The following UPRT variants were observed in gnomAD, a reference collection of about 807,000 sequenced individuals.
UPRT encodes RP11-311P8.3.
In UPRT, 5 loss-of-function variants were observed where a neutral mutation model predicts 22.6. The observed-to-expected ratio is 0.22, with a 90% confidence interval of 0.12 to 0.47. The LOEUF is 0.47. Ranked by LOEUF, UPRT falls within the 20% of genes least tolerant of loss-of-function variation. The pLI is 0.99. For missense variants in UPRT, 181 were observed against 239.9 expected (o/e 0.75, Z 1.62); for synonymous variants, 77 against 87.7 (o/e 0.88, Z 0.68).
chrX:75,244,588 G>A (rs2082498274), intron 4 of UPRT, among the ~76,000 whole-genome samples: 1 of 111,097 alleles, frequency 9.0e-6, no homozygotes, highest in Non-Finnish European at 1.9e-5. Context: ...TATACCAATG[G>A]AACAGAATAG....
At chrX:75,257,645 T>G (rs956575881) in intron 4 of UPRT, among the ~76,000 whole-genome samples, 3 of 111,811 alleles carry the variant, frequency 2.7e-5, no homozygotes, top group Non-Finnish European at 5.6e-5. Context: ...CTCCTAGAAC[T>G]GATAAAAGAA....
intron 4 of UPRT, among the ~76,000 whole-genome samples, chrX:75,207,233 C>T (rs2082369574): frequency 8.9e-6 from 1 of 112,083 alleles, no homozygotes. Flanking sequence ...TGTTAACACT[C>T]CCTTTAGTAG....
At chrX:75,255,697 G>A (rs1000833714) in intron 4 of UPRT, among the ~76,000 whole-genome samples, 3 of 111,734 alleles carry the variant, frequency 2.7e-5, no homozygotes, top group African/African-American at 9.8e-5. Context: ...CACCAAAAGC[G>A]AGCTGAAGTA....
intron 1 of UPRT, among the ~76,000 whole-genome samples, chrX:75,276,210 C>A (rs2082631044): frequency 8.9e-6 from 1 of 111,936 alleles, no homozygotes; most frequent in African/African-American, 3.2e-5. Flanking sequence ...CCTGGCTTAT[C>A]TTCCCTGGTC....
intron 4 of UPRT, among the ~76,000 whole-genome samples, chrX:75,227,521 A>AG (rs954766247): frequency 8.9e-6 from 1 of 111,747 alleles, no homozygotes; most frequent in Non-Finnish European, 1.9e-5. Flanking sequence ...AGGCCCAGAG[A>AG]GGGGAAAAAC....
intron 1 of UPRT, among the ~76,000 whole-genome samples, chrX:75,285,746 G>A (rs183106930): frequency 2.6e-4 from 29 of 110,986 alleles, no homozygotes; most frequent in South Asian, 3.8e-4. Context: ...GCTTTGAGGT[G>A]CAGGTAAATA....
intron 4 of UPRT, among the ~76,000 whole-genome samples, chrX:75,263,960 T>G (rs2082577738): frequency 1.8e-5 from 2 of 110,628 alleles, no homozygotes; most frequent in Non-Finnish European, 1.9e-5. Flanking sequence ...TATTTCTGCC[T>G]TCATTTCGTT....
chrX:75,205,232 C>T (rs1162347883), intron 4 of UPRT, among the ~76,000 whole-genome samples: 2 of 107,880 alleles, frequency 1.9e-5, no homozygotes, highest in African/African-American at 6.7e-5. Context: ...TAGCCGGGCG[C>T]GGTGGCGGGC....
upstream of UPRT, among the ~76,000 whole-genome samples, chrX:75,270,869 C>T (rs1481841781): frequency 9.1e-6 from 1 of 110,262 alleles, no homozygotes; most frequent in South Asian, 3.9e-4. Context: ...CAAATCTGGA[C>T]GTTTTGCACA....
chrX:75,215,268 A>G (rs1296743163), intron 4 of UPRT, among the ~76,000 whole-genome samples: 1 of 108,566 alleles, frequency 9.2e-6, no homozygotes, highest in Non-Finnish European at 1.9e-5. Context: ...GAGAAAAGAA[A>G]AAAGACACAA....
At chrX:75,255,657 G>C (rs1047582340) in intron 4 of UPRT, among the ~76,000 whole-genome samples, 1 of 111,439 alleles carries the variant, frequency 9.0e-6, no homozygotes, top group Non-Finnish European at 1.9e-5. Context: ...GAAGGTAAAG[G>C]GATGGAAAGA....
intron 6 of UPRT, among the ~76,000 whole-genome samples, chrX:75,302,739 T>A (rs1341957506): frequency 9.0e-6 from 1 of 111,031 alleles, no homozygotes; most frequent in Non-Finnish European, 1.9e-5. Context: ...CTAGTCCTTG[T>A]TACTTTTCCC....
intron 4 of UPRT, among the ~76,000 whole-genome samples, chrX:75,203,839 C>T (rs776539475): frequency 8.9e-6 from 1 of 112,018 alleles, no homozygotes; most frequent in African/African-American, 3.2e-5. Context: ...GGATGTTTCA[C>T]TTTGACCAAG....
At chrX:75,242,522 G>A (rs1352211478) in intron 4 of UPRT, among the ~76,000 whole-genome samples, 1 of 110,537 alleles carries the variant, frequency 9.0e-6, no homozygotes, top group Non-Finnish European at 1.9e-5. Flanking sequence ...GGACTAATTT[G>A]AGGACCTGGG....
intron 4 of UPRT, among the ~76,000 whole-genome samples, chrX:75,179,203 C>T (rs12013907): frequency 1.8e-3 from 189 of 104,893 alleles, no homozygotes; most frequent in African/African-American, 7.0e-3. Flanking sequence ...AGCAGCTAGA[C>T]ACAGAGTGTC....
chrX:75,164,030 T>C (rs1183055374), intron 3 of UPRT, among the ~76,000 whole-genome samples: 1 of 110,797 alleles, frequency 9.0e-6, no homozygotes, highest in African/African-American at 3.3e-5. Flanking sequence ...ATACAAAAAT[T>C]AGCTGGGTGT....
intron 4 of UPRT, among the ~76,000 whole-genome samples, chrX:75,219,457 C>G (rs2082403551): frequency 8.9e-6 from 1 of 111,920 alleles, no homozygotes; most frequent in Non-Finnish European, 1.9e-5. Flanking sequence ...GTTTCAGTAA[C>G]AGAGAGATAA....
chrX:75,268,845 G>T (rs1296762592), intron 4 of UPRT, among the ~76,000 whole-genome samples: 1 of 111,905 alleles, frequency 8.9e-6, no homozygotes, highest in Admixed American at 9.5e-5. Flanking sequence ...TTGAAAACCA[G>T]CACAAGACAA....
chrX:75,261,611 C>T (rs1314889745), intron 4 of UPRT, among the ~76,000 whole-genome samples: 1 of 111,906 alleles, frequency 8.9e-6, no homozygotes, highest in African/African-American at 3.3e-5. Flanking sequence ...GAGCTGGTAC[C>T]TATCCTTCTG....
Sources: gnomAD v4.1 joint callset for allele counts (sites outside exome capture counted in the v4.1 genomes callset) on GRCh38, gnomAD v4.1.1 for gene constraint, MANE v1.5 for transcripts, NCBI Gene and HGNC (gene_info 2026-07-23, HGNC 2026-07-21) for gene names.